The following SIMC1 variants were observed in gnomAD, a reference collection of about 807,000 sequenced individuals.
SIMC1 encodes SUMO interacting motifs containing 1.
In SIMC1, 55 loss-of-function variants were observed where a neutral mutation model predicts 82.3. That is an observed-to-expected ratio of 0.67 (90% CI 0.54 to 0.84). SIMC1 has a LOEUF of 0.84. Ranked by LOEUF, SIMC1 falls within the 40% of genes least tolerant of loss-of-function variation. SIMC1 has a pLI of 0.00. For synonymous variants in SIMC1, 353 were observed against 426.3 expected (o/e 0.83, Z 2.12); for missense variants, 915 against 1,107.2 (o/e 0.83, Z 2.46).
chr5:176,310,004 A>G (rs114005359), intron 4 of SIMC1, among the ~76,000 whole-genome samples: 22 of 152,314 alleles, frequency 1.4e-4, no homozygotes, highest in Admixed American at 3.9e-4. Context: ...AAAGACGTGA[A>G]TAGATGGTTC....
intron 5 of SIMC1, among the ~76,000 whole-genome samples, chr5:176,319,507 C>T (rs1037587265): frequency 2.0e-5 from 3 of 152,028 alleles, no homozygotes; most frequent in African/African-American, 4.8e-5. Context: ...GCCTGGACAA[C>T]GGAGCAAGCC....
intron 1 of SIMC1, among the ~76,000 whole-genome samples, chr5:176,260,406 A>G (rs1357751094): frequency 6.6e-6 from 1 of 152,132 alleles, no homozygotes; most frequent in Non-Finnish European, 1.5e-5. Context: ...AATCACCACT[A>G]AAGAACTTAC....
chr5:176,292,518 T>C (rs922779439), intron 2 of SIMC1, among the ~76,000 whole-genome samples: 2 of 152,152 alleles, frequency 1.3e-5, no homozygotes, highest in African/African-American at 4.8e-5. Flanking sequence ...CTTCTCCTTC[T>C]TTATGCCTCT....
At chr5:176,344,787 C>T (rs925576542) in intron 9 of SIMC1, among the ~76,000 whole-genome samples, 1 of 152,142 alleles carries the variant, frequency 6.6e-6, no homozygotes, top group South Asian at 2.1e-4. Context: ...CCAGGCCCCA[C>T]CTCCAACATC....
At chr5:176,315,831 C>G (rs1040897412) in intron 5 of SIMC1, among the ~76,000 whole-genome samples, 6 of 152,030 alleles carry the variant, frequency 3.9e-5, no homozygotes, top group African/African-American at 1.4e-4. Context: ...GGTACAAAAT[C>G]AGTAAGTAGA....
rs192287612 is a variant in SIMC1, at chr5:176,335,201, T to G, written c.2172-1519T>G. Among the ~76,000 whole-genome samples the G allele has an allele frequency of 5.5e-4, 83 of 152,110 alleles. 1 individual carries two copies. The East Asian group carries it at 0.014, about 26-fold the overall frequency. Reference sequence around the variant, plus strand: ...TATTTCCTCTGGTTTTATCATTGATTATGACAGAAAGGAAAGTCCAACATC... The same window carrying G: ...TATTTCCTCTGGTTTTATCATTGATGATGACAGAAAGGAAAGTCCAACATC... On this transcript the variant is annotated intron_variant, in intron 7 of 9. Coordinates refer to ENST00000429602, the MANE Select transcript of SIMC1 (RefSeq NM_001308195.2).
chr5:176,291,833 C>T (rs1255479571), intron 2 of SIMC1, among the ~76,000 whole-genome samples: 1 of 152,176 alleles, frequency 6.6e-6, no homozygotes, highest in Non-Finnish European at 1.5e-5. Context: ...GAAGTAATAA[C>T]ATACCTCACA....
chr5:176,319,286 A>G (rs777407108), intron 5 of SIMC1, among the ~76,000 whole-genome samples: 28 of 152,106 alleles, frequency 1.8e-4, no homozygotes, highest in Admixed American at 4.6e-4. Flanking sequence ...AATGTCCTTC[A>G]TTTCTAATAA....
chr5:176,253,515 T>C (rs1761757654), intron 1 of SIMC1, among the ~76,000 whole-genome samples: 1 of 152,100 alleles, frequency 6.6e-6, no homozygotes, highest in Non-Finnish European at 1.5e-5. Context: ...TGCCTGGAAA[T>C]AGCTCAGTTT....
intron 4 of SIMC1, chr5:176,308,376 G>GAGA: frequency 6.3e-7 from 1 of 1,582,412 alleles, no homozygotes. Context: ...AACAGAGGCA[G>GAGA]AGAAGTTGGC....
At chr5:176,244,349 A>T (rs868745626) in intron 1 of SIMC1, among the ~76,000 whole-genome samples, 2 of 129,406 alleles carry the variant, frequency 1.5e-5, no homozygotes, top group Middle Eastern at 7.2e-3. Flanking sequence ...CCTGTGGAAT[A>T]GCCAACTGGA....
intron 4 of SIMC1, chr5:176,313,248 T>G (rs1764743251): frequency 1.5e-6 from 2 of 1,369,486 alleles, no homozygotes; most frequent in Admixed American, 6.3e-5. Flanking sequence ...AGAACCAGTT[T>G]CTCTTTCTCT....
intron 1 of SIMC1, among the ~76,000 whole-genome samples, chr5:176,258,853 AGGTTGGTGGGTCT>A (rs1761928579): frequency 6.6e-6 from 1 of 152,090 alleles, no homozygotes; most frequent in South Asian, 2.1e-4. Context: ...TGTCTTTGGG[AGGTTGGTGGGTCT>A]GGCTACCCAT....
chr5:176,333,417 G>T (rs958575691), intron 7 of SIMC1, among the ~76,000 whole-genome samples: 2 of 151,920 alleles, frequency 1.3e-5, no homozygotes, highest in East Asian at 1.9e-4. Flanking sequence ...AGGTTGTGGG[G>T]TTTTTTTGGT....
chr5:176,337,227 T>C, intron 9 of SIMC1, 81 bp downstream of exon 9: 1 of 1,183,624 alleles, frequency 8.4e-7, no homozygotes, highest in Non-Finnish European at 1.2e-6. Context: ...CAGGATATTC[T>C]GATTTGTTGA....
intron 4 of SIMC1, chr5:176,309,150 T>C (rs1764551262): frequency 3.3e-6 from 2 of 609,412 alleles, no homozygotes; most frequent in African/African-American, 1.8e-5. Flanking sequence ...GTAATCAAGA[T>C]AGATGGTATT....
intron 1 of SIMC1, among the ~76,000 whole-genome samples, chr5:176,280,309 T>C (rs1413005022): frequency 6.6e-6 from 1 of 152,226 alleles, no homozygotes; most frequent in Non-Finnish European, 1.5e-5. Context: ...CTGCCTTTTT[T>C]TTGTTTTCCA....
chr5:176,337,164 A>G lies in SIMC1; in HGVS notation c.2413+18A>G. On this transcript the variant is annotated intron_variant, in intron 9 of 9. Transcript: ENST00000429602. ...TTTAAGAGGTAAGGAGCATTTGTTC[A>G]CAAGTGGAGTAGTGGAAGGTCTCAA... 6.2e-7 allele frequency: 1 copy of G among 1,605,990 alleles called. No homozygotes were observed. The highest frequency in any genetic ancestry group is 1.1e-5 in the South Asian group (1 of 90,750).
At chr5:176,336,440 A>T (rs988380676) in intron 7 of SIMC1, among the ~76,000 whole-genome samples, 1 of 152,190 alleles carries the variant, frequency 6.6e-6, no homozygotes, top group Non-Finnish European at 1.5e-5. Flanking sequence ...AAATATTCTC[A>T]TGATTAATTT....
Sources: allele counts gnomAD v4.1 joint callset (sites outside exome capture counted in the v4.1 genomes callset), GRCh38; gene constraint gnomAD v4.1.1; transcripts MANE v1.5; gene names NCBI Gene and HGNC (gene_info 2026-07-23, HGNC 2026-07-21).